Variants in LAMA3 observed in about 807,000 individuals in gnomAD.
LAMA3 encodes laminin subunit alpha-3.
In LAMA3, 281 loss-of-function variants were observed where a neutral mutation model predicts 402.0. The ratio of observed to expected loss-of-function variants is 0.70; its 90% CI spans 0.63 to 0.77. The LOEUF (loss-of-function observed/expected upper bound fraction) is 0.77. Among genes scored for constraint, LAMA3 ranks in the 30% least tolerant of loss-of-function variants. The pLI is 0.00. For missense variants in LAMA3, 3,840 were observed against 4,215.5 expected (o/e 0.91, Z 2.47); for synonymous variants, 1,431 against 1,558.4 (o/e 0.92, Z 1.93).
At chr18:23,858,106 G>T in intron 33 of LAMA3, 118 bp downstream of exon 33, 1 of 1,179,654 alleles carries the variant, frequency 8.5e-7, no homozygotes, top group South Asian at 1.3e-5. Context: ...GATGTTGATA[G>T]TGTATGTAGC....
intron 9 of LAMA3, among the ~76,000 whole-genome samples, chr18:23,775,419 A>T (rs1416586791): frequency 6.6e-6 from 1 of 152,198 alleles, no homozygotes; most frequent in Non-Finnish European, 1.5e-5. Flanking sequence ...GGGCATTCAC[A>T]GTTGGTTCAT....
intron 48 of LAMA3, 77 bp from the exon 49 acceptor site, chr18:23,902,932 C>T: frequency 1.2e-6 from 1 of 824,002 alleles, no homozygotes; most frequent in Admixed American, 1.7e-5. Context: ...TACGTATATG[C>T]TATTGTCCCA....
chr18:23,908,367 A>G (rs935026282), intron 54 of LAMA3, among the ~76,000 whole-genome samples: 4 of 151,276 alleles, frequency 2.6e-5, no homozygotes, highest in African/African-American at 9.7e-5. Flanking sequence ...TGTCTCTACT[A>G]AAAATACAAA....
chr18:23,846,115 G>A (rs1001849077), intron 30 of LAMA3, among the ~76,000 whole-genome samples, 182 bp from the exon 31 acceptor site: 3 of 152,110 alleles, frequency 2.0e-5, no homozygotes, highest in African/African-American at 7.2e-5. Context: ...CAGGTGGTAG[G>A]GGGAGGGTGT....
intron 11 of LAMA3, among the ~76,000 whole-genome samples, chr18:23,782,971 T>C (rs1321699386): frequency 6.6e-6 from 1 of 152,228 alleles, no homozygotes; most frequent in Non-Finnish European, 1.5e-5. Flanking sequence ...CTTATCTATT[T>C]CTGTGTCTTA....
intron 16 of LAMA3, 59 bp from the exon 17 acceptor site, chr18:23,815,409 G>A: frequency 6.7e-7 from 1 of 1,482,028 alleles, no homozygotes; most frequent in Non-Finnish European, 9.4e-7. Flanking sequence ...TTTCAATCTT[G>A]AAGATTAGTG....
At position 23,952,979 on chromosome 18, in the gene LAMA3, C is replaced by A. The variant is rs767577028; in HGVS notation, c.9737-11C>A. On this transcript the variant is annotated splice_polypyrimidine_tract_variant and intron_variant, in intron 73 of 74. Transcript: ENST00000313654. ...CTCCGATGATAGACCTAACCAGCCT[C>A]CTTTCCCCAGTCACCATAAAACAAC... 6.2e-7 allele frequency: 1 copy of A among 1,613,888 alleles called. No homozygotes were observed. Among genetic ancestry groups the A allele is most frequent in the Non-Finnish European group, 8.5e-7 (1 of 1,179,932 alleles).
intron 12 of LAMA3, among the ~76,000 whole-genome samples, chr18:23,786,508 G>A (rs1471844688): frequency 2.0e-5 from 3 of 152,174 alleles, no homozygotes; most frequent in African/African-American, 7.2e-5. Flanking sequence ...ACCCAAGCTG[G>A]CTCATAGAGT....
chr18:23,696,917 G>A (rs890803635), intron 1 of LAMA3, among the ~76,000 whole-genome samples: 2 of 152,146 alleles, frequency 1.3e-5, no homozygotes, highest in African/African-American at 4.8e-5. Context: ...ACTTGCCTTG[G>A]TTCTGGGGTG....
chr18:23,772,604 T>G (rs755636427), intron 8 of LAMA3, among the ~76,000 whole-genome samples: 1 of 152,210 alleles, frequency 6.6e-6, no homozygotes, highest in Non-Finnish European at 1.5e-5. Context: ...TTTTAGCCTA[T>G]GGGAAAATGA....
At chr18:23,823,538 A>G (rs574337055) in intron 20 of LAMA3, among the ~76,000 whole-genome samples, 1 of 152,110 alleles carries the variant, frequency 6.6e-6, no homozygotes, top group Admixed American at 6.5e-5. Context: ...CACTGTCCAA[A>G]CTGTACCACA....
chr18:23,907,803 G>A lies in LAMA3; in HGVS notation c.6883G>A (p.Ala2295Thr). Residue 2295 changes from alanine (A) to threonine (T), a missense_variant, in exon 54 of 75, where the codon GCC (alanine) becomes ACC (threonine). Ala to Thr is a moderately conservative substitution (Grantham distance 58). Transcript: ENST00000313654. ...TAGTGCAAAGAGCATGGTCAGAAAGGCCAACGACATCACAGATGAGGTTCT... is the reference window on the plus strand; with the variant it reads ...TAGTGCAAAGAGCATGGTCAGAAAGACCAACGACATCACAGATGAGGTTCT... ...ISSAKSMVRK[A>T]NDITDEVLDG... The A allele has an allele frequency of 6.2e-7, 1 of 1,614,186 alleles. No individual in the cohort carries two copies. The highest frequency in any genetic ancestry group is 1.1e-5 in the South Asian group (1 of 91,084).
At chr18:23,937,834 A>G (rs767598400) in intron 67 of LAMA3, among the ~76,000 whole-genome samples, 3 of 152,226 alleles carry the variant, frequency 2.0e-5, no homozygotes, top group Non-Finnish European at 4.4e-5. Flanking sequence ...ATCATTTTAA[A>G]TAACTGATTT....
intron 38 of LAMA3, among the ~76,000 whole-genome samples, chr18:23,875,780 A>T (rs2064689028): frequency 1.3e-5 from 2 of 152,114 alleles, no homozygotes; most frequent in Admixed American, 6.6e-5. Flanking sequence ...TCTAAGGACG[A>T]GTCTCTTTAT....
intron 52 of LAMA3, among the ~76,000 whole-genome samples, chr18:23,906,278 C>T (rs1298450144): frequency 2.6e-5 from 4 of 152,126 alleles, no homozygotes. Flanking sequence ...CCCCACATGT[C>T]AAGATCATTG....
chr18:23,812,865 T>C (rs1025759652), intron 13 of LAMA3, among the ~76,000 whole-genome samples, 192 bp from the exon 14 acceptor site: 1 of 152,150 alleles, frequency 6.6e-6, no homozygotes, highest in Non-Finnish European at 1.5e-5. Flanking sequence ...AAGAGGTAAT[T>C]TGGGGATTAA....
intron 69 of LAMA3, among the ~76,000 whole-genome samples, chr18:23,944,966 T>C (rs2145514354): frequency 6.6e-6 from 1 of 151,932 alleles, no homozygotes; most frequent in East Asian, 1.9e-4. Flanking sequence ...AACCCCATCT[T>C]TACTAAAAAT....
chr18:23,882,737 A>G (rs2064942576), intron 40 of LAMA3, among the ~76,000 whole-genome samples: 1 of 152,030 alleles, frequency 6.6e-6, no homozygotes, highest in African/African-American at 2.4e-5. Context: ...AGCACCCATG[A>G]CAGGGCCAGG....
At chr18:23,860,971 T>C (rs1206106495) in intron 34 of LAMA3, among the ~76,000 whole-genome samples, 4 of 152,158 alleles carry the variant, frequency 2.6e-5, no homozygotes, top group Middle Eastern at 3.2e-3. Flanking sequence ...TGATTACAGA[T>C]GTGACCCACC....
Sources: allele counts gnomAD v4.1 joint callset (sites outside exome capture counted in the v4.1 genomes callset), GRCh38; gene constraint gnomAD v4.1.1; transcripts MANE v1.5; gene names NCBI Gene and HGNC (gene_info 2026-07-23, HGNC 2026-07-21).